The following WWOX variants were observed in gnomAD, a reference collection of about 807,000 sequenced individuals.
The protein encoded by WWOX is WW domain-containing oxidoreductase.
In WWOX, 69 loss-of-function variants were observed where a neutral mutation model predicts 46.2. That is an observed-to-expected ratio of 1.49 (90% CI 1.23 to 1.82). The LOEUF (loss-of-function observed/expected upper bound fraction) is 1.82. Ranked by LOEUF, WWOX falls within the 40% of genes most tolerant of loss-of-function variation. WWOX has a pLI of 0.00. For missense variants in WWOX, 919 were observed against 542.6 expected (o/e 1.69, Z -6.89); for synonymous variants, 359 against 202.6 (o/e 1.77, Z -6.56).
intron 8 of WWOX, among the ~76,000 whole-genome samples, chr16:78,538,763 G>A (rs78677767): frequency 0.015 from 2,255 of 152,192 alleles, 40 homozygotes; most frequent in South Asian, 0.028. Context: ...CCTGATTTAG[G>A]AGCATTTTCT....
At chr16:78,921,618 A>G (rs1300957332) in intron 8 of WWOX, among the ~76,000 whole-genome samples, 1 of 152,228 alleles carries the variant, frequency 6.6e-6, no homozygotes, top group African/African-American at 2.4e-5. Flanking sequence ...CAGGGAGGTT[A>G]CATGGATTCT....
chr16:78,121,363 A>G (rs1407080976), intron 4 of WWOX, among the ~76,000 whole-genome samples: 1 of 152,220 alleles, frequency 6.6e-6, no homozygotes, highest in Non-Finnish European at 1.5e-5. Flanking sequence ...GATTCTTGAC[A>G]GTGTTAGACA....
intron 8 of WWOX, among the ~76,000 whole-genome samples, chr16:79,167,039 C>G (rs2050608310): frequency 6.6e-6 from 1 of 152,110 alleles, no homozygotes; most frequent in Non-Finnish European, 1.5e-5. Flanking sequence ...CTCCCAGGTT[C>G]AAACAATTCT....
chr16:79,174,962 C>T (rs901757325), intron 8 of WWOX, among the ~76,000 whole-genome samples: 1 of 152,122 alleles, frequency 6.6e-6, no homozygotes, highest in African/African-American at 2.4e-5. Flanking sequence ...GTATTCTTAC[C>T]TGGATGTGTC....
intron 5 of WWOX, among the ~76,000 whole-genome samples, chr16:78,253,807 G>A (rs924807920): frequency 1.3e-5 from 2 of 152,186 alleles, no homozygotes; most frequent in African/African-American, 4.8e-5. Context: ...GAGATTAATT[G>A]TAGGAGCTAT....
At chr16:78,607,310 C>T (rs1380700248) in intron 8 of WWOX, among the ~76,000 whole-genome samples, 1 of 152,004 alleles carries the variant, frequency 6.6e-6, no homozygotes, top group Admixed American at 6.5e-5. Flanking sequence ...AATCGGGGCT[C>T]CTGTGAGTAC....
chr16:78,469,079 C>G (rs868836204), intron 8 of WWOX, among the ~76,000 whole-genome samples: 9 of 152,144 alleles, frequency 5.9e-5, no homozygotes, highest in African/African-American at 2.2e-4. Context: ...GCTGGCCTTA[C>G]TCGTTTTCAA....
chr16:78,569,675 C>G (rs939538448), intron 8 of WWOX, among the ~76,000 whole-genome samples: 5 of 152,190 alleles, frequency 3.3e-5, no homozygotes, highest in African/African-American at 1.2e-4. Context: ...ATTAAACTCT[C>G]AGTGAGCAGG....
chr16:78,534,881 T>G (rs1028515429), intron 8 of WWOX, among the ~76,000 whole-genome samples: 1 of 151,984 alleles, frequency 6.6e-6, no homozygotes, highest in Non-Finnish European at 1.5e-5. Context: ...GCCTGGCTAA[T>G]TTTTTGTATT....
chr16:78,235,855 G>A (rs2037420608), intron 5 of WWOX, among the ~76,000 whole-genome samples: 1 of 152,194 alleles, frequency 6.6e-6, no homozygotes, highest in African/African-American at 2.4e-5. Flanking sequence ...GAACCTGTGA[G>A]TGGGCTGGTT....
At chr16:78,175,707 C>T (rs1027936869) in intron 5 of WWOX, among the ~76,000 whole-genome samples, 3 of 152,204 alleles carry the variant, frequency 2.0e-5, no homozygotes, top group Admixed American at 1.3e-4. Context: ...CAGAACCACC[C>T]AGCAGCTAAG....
chr16:78,164,060 G>T (rs2034885780), intron 4 of WWOX, 123 bp from the exon 5 acceptor site: 3 of 896,638 alleles, frequency 3.3e-6, no homozygotes, highest in Admixed American at 2.0e-5. Context: ...GTCCCCTGGG[G>T]ATCAAAATCA....
chr16:78,880,692 C>T (rs2044324521), intron 8 of WWOX, among the ~76,000 whole-genome samples: 1 of 152,150 alleles, frequency 6.6e-6, no homozygotes. Context: ...CTCTTGCTGG[C>T]GGTCCATCTG....
chr16:78,637,357 G>C (rs981165338), intron 8 of WWOX, among the ~76,000 whole-genome samples: 1 of 151,670 alleles, frequency 6.6e-6, no homozygotes, highest in South Asian at 2.1e-4. Flanking sequence ...AGCAGAGTCT[G>C]TTGAACCCAG....
chr16:78,219,690 G>A (rs561170770), intron 5 of WWOX, among the ~76,000 whole-genome samples: 17 of 152,154 alleles, frequency 1.1e-4, no homozygotes, highest in African/African-American at 4.1e-4. Context: ...TGGCAACCAG[G>A]CAGATAAAGC....
At chr16:78,832,587 G>C (rs1329355164) in intron 8 of WWOX, among the ~76,000 whole-genome samples, 1 of 152,054 alleles carries the variant, frequency 6.6e-6, no homozygotes, top group Non-Finnish European at 1.5e-5. Context: ...TTCGGCTATT[G>C]GCAGTGGCAT....
intron 8 of WWOX, among the ~76,000 whole-genome samples, chr16:78,995,153 C>T (rs2046964856): frequency 6.6e-6 from 1 of 151,976 alleles, no homozygotes; most frequent in Admixed American, 6.6e-5. Flanking sequence ...ACTTAGCTGG[C>T]TGGGAAGTAG....
intron 8 of WWOX, among the ~76,000 whole-genome samples, chr16:79,156,725 G>T (rs546527319): frequency 6.6e-6 from 1 of 151,834 alleles, no homozygotes; most frequent in Non-Finnish European, 1.5e-5. Flanking sequence ...TTTAAGAGGG[G>T]GGTGGGGGCC....
chr16:78,869,248 G>C (rs1174401705), intron 8 of WWOX, among the ~76,000 whole-genome samples: 1 of 152,134 alleles, frequency 6.6e-6, no homozygotes, highest in Non-Finnish European at 1.5e-5. Flanking sequence ...TCTCTATCCT[G>C]TCACCCTGCT....
Sources: allele counts gnomAD v4.1 joint callset (sites outside exome capture counted in the v4.1 genomes callset), GRCh38; gene constraint gnomAD v4.1.1; transcripts MANE v1.5; gene names NCBI Gene and HGNC (gene_info 2026-07-23, HGNC 2026-07-21).